The following ERC2 variants were observed in gnomAD, a reference collection of about 807,000 sequenced individuals.
ERC2 encodes the protein ELKS/RAB6-interacting/CAST family member 2.
ERC2 carries 42 observed loss-of-function variants against 114.8 expected under a neutral mutation model. That is an observed-to-expected ratio of 0.37 (90% CI 0.29 to 0.47). The LOEUF (loss-of-function observed/expected upper bound fraction) is 0.47. Ranked by LOEUF, ERC2 falls within the 20% of genes least tolerant of loss-of-function variation. ERC2 has a pLI of 0.99. For missense variants in ERC2, 939 were observed against 1,150.7 expected, an observed-to-expected ratio of 0.82 and a Z score of 2.66; for synonymous variants, 454 against 425.5, an observed-to-expected ratio of 1.07 and a Z score of -0.82.
At chr3:55,635,263 A>G (rs2059914060) in intron 17 of ERC2, among the ~76,000 whole-genome samples, 2 of 152,144 alleles carry the variant, frequency 1.3e-5, no homozygotes, top group African/African-American at 2.4e-5. Flanking sequence ...AGGTATGCGA[A>G]TATTTAGACA....
In ERC2 at chr3:56,139,634, G is replaced by A. The variant is rs1314281357; in HGVS notation, c.1348C>T (p.Leu450Phe). 6.2e-7 allele frequency: 1 copy of A among 1,610,760 alleles called. No homozygotes were observed. The highest frequency in any genetic ancestry group is 1.3e-5 in the African/African-American group (1 of 74,896). Residue 450 changes from leucine (L) to phenylalanine (F), a missense_variant, in exon 6 of 18, where the codon CTT (leucine) becomes TTT (phenylalanine). This residue lies in a region of ERC2 where 149 missense variants were observed against 254.6 expected (regional missense o/e 0.59). Transcript: ENST00000288221. ...TCAAGCTTTGTTTGTAAGGCAAGAAGTTCCGACTCTTTCTTTGAAAGTTCC... is the reference window on the plus strand; with the variant it reads ...TCAAGCTTTGTTTGTAAGGCAAGAAATTCCGACTCTTTCTTTGAAAGTTCC... ...KQELSKKESE[L>F]LALQTKLETL...
Position 55,720,219 on chromosome 3 carries a change from TCTTCTTCTTCTTCTTCTTC to T in ERC2, c.2712+14533_2712+14551del, listed in dbSNP as rs1559547606. On this transcript the variant is annotated intron_variant, in intron 15 of 17. Transcript: ENST00000288221. ...TTCTTCTTCTTCTTCTTCTTCTTCT[TCTTCTTCTTCTTCTTCTTC>T]TTCTCTCTCTCTCTCTCTCTCTCTG... 2.3e-4 allele frequency among the ~76,000 whole-genome samples: 6 copies of T among 26,266 alleles called. 2 individuals are homozygous for T. The highest frequency in any genetic ancestry group is 1.5e-3 in the African/African-American group (6 of 4,024). 17.2% of individuals were successfully genotyped at this position (26,266 alleles called of 152,430 possible).
At chr3:55,782,344 C>T (rs1286160099) in intron 14 of ERC2, among the ~76,000 whole-genome samples, 1 of 152,176 alleles carries the variant, frequency 6.6e-6, no homozygotes, top group African/African-American at 2.4e-5. Context: ...ACCTCTTCCC[C>T]CTGCATCCTT....
intron 1 of ERC2, among the ~76,000 whole-genome samples, chr3:56,438,019 T>C (rs1233641657): frequency 6.6e-6 from 1 of 152,234 alleles, no homozygotes; most frequent in Non-Finnish European, 1.5e-5. Context: ...ATTTTCTTCT[T>C]TTTATTTGCA....
chr3:56,450,750 G>GTAGT (rs2062791512), intron 1 of ERC2, among the ~76,000 whole-genome samples: 1 of 152,154 alleles, frequency 6.6e-6, no homozygotes, highest in Non-Finnish European at 1.5e-5. Flanking sequence ...AGAGTAGCTT[G>GTAGT]AGTCCAGGAG....
intron 14 of ERC2, among the ~76,000 whole-genome samples, chr3:55,822,497 T>C (rs2060165053): frequency 6.6e-6 from 1 of 152,202 alleles, no homozygotes; most frequent in South Asian, 2.1e-4. Context: ...AATTGGTTTT[T>C]TCATCCTCAT....
chr3:56,176,636 G>T (rs1461662438), intron 3 of ERC2, among the ~76,000 whole-genome samples: 1 of 152,044 alleles, frequency 6.6e-6, no homozygotes, highest in African/African-American at 2.4e-5. Flanking sequence ...TAGATTCTGA[G>T]GCTCATCTTG....
chr3:55,513,083 C>A (rs559896371), intron 17 of ERC2, among the ~76,000 whole-genome samples: 1 of 152,206 alleles, frequency 6.6e-6, no homozygotes, highest in African/African-American at 2.4e-5. Context: ...ACAGTCACAG[C>A]GGCCCTTACC....
chr3:56,125,668 T>C (rs2079825766), intron 6 of ERC2, among the ~76,000 whole-genome samples: 1 of 152,192 alleles, frequency 6.6e-6, no homozygotes, highest in Non-Finnish European at 1.5e-5. Context: ...ACATCCAAAT[T>C]ACCCTCTCAT....
intron 2 of ERC2, among the ~76,000 whole-genome samples, chr3:56,418,070 T>G (rs1431116317): frequency 6.6e-6 from 1 of 152,100 alleles, no homozygotes; most frequent in Non-Finnish European, 1.5e-5. Context: ...GAGGATCATT[T>G]GAGGCCAGGA....
intron 14 of ERC2, among the ~76,000 whole-genome samples, chr3:55,853,679 G>A (rs2149247099): frequency 6.6e-6 from 1 of 152,290 alleles, no homozygotes; most frequent in Admixed American, 6.5e-5. Flanking sequence ...GTCAAATATT[G>A]TATGATTCCA....
At chr3:55,936,789 A>G (rs2066471092) in intron 13 of ERC2, among the ~76,000 whole-genome samples, 1 of 152,202 alleles carries the variant, frequency 6.6e-6, no homozygotes, top group Non-Finnish European at 1.5e-5. Context: ...TAAGGTCTTT[A>G]CAGAGCCCTC....
chr3:55,637,952 A>G (rs2060023908), intron 17 of ERC2, among the ~76,000 whole-genome samples: 1 of 152,208 alleles, frequency 6.6e-6, no homozygotes, highest in Non-Finnish European at 1.5e-5. Flanking sequence ...TGAAAGGTTA[A>G]CACTTTTAGC....
At chr3:55,694,262 G>A (rs1385125978) in intron 16 of ERC2, among the ~76,000 whole-genome samples, 2 of 152,100 alleles carry the variant, frequency 1.3e-5, no homozygotes, top group African/African-American at 2.4e-5. Flanking sequence ...AACAACCTCT[G>A]AGTTTCTTTA....
At chr3:55,788,280 TTCTTTAAACA>T (rs1431719759) in intron 14 of ERC2, among the ~76,000 whole-genome samples, 1 of 152,014 alleles carries the variant, frequency 6.6e-6, no homozygotes, top group Admixed American at 6.6e-5. Flanking sequence ...AATCTCAGAG[TTCTTTAAACA>T]CTGGACAGCT....
chr3:55,681,053 G>A (rs2062032224), intron 17 of ERC2, among the ~76,000 whole-genome samples: 1 of 152,050 alleles, frequency 6.6e-6, no homozygotes, highest in African/African-American at 2.4e-5. Context: ...CCAGGCCTGG[G>A]TGTGAGGTTT....
intron 14 of ERC2, among the ~76,000 whole-genome samples, chr3:55,824,887 TAA>T (rs1360781778): frequency 1.3e-5 from 2 of 152,222 alleles, no homozygotes; most frequent in Non-Finnish European, 2.9e-5. Context: ...GCCGTTGAGA[TAA>T]GTGTTTAGAT....
intron 17 of ERC2, among the ~76,000 whole-genome samples, chr3:55,609,873 T>C (rs2058812957): frequency 6.6e-6 from 1 of 152,030 alleles, no homozygotes; most frequent in Non-Finnish European, 1.5e-5. Context: ...CTCAGACAGC[T>C]GTTGGAGCTC....
chr3:56,392,612 C>A (rs1348955512), intron 2 of ERC2, among the ~76,000 whole-genome samples: 1 of 152,124 alleles, frequency 6.6e-6, no homozygotes, highest in Non-Finnish European at 1.5e-5. Context: ...ATGTCCTCTT[C>A]CAGGGCAAAT....
Sources: gnomAD v4.1 joint callset for allele counts (sites outside exome capture counted in the v4.1 genomes callset) on GRCh38, gnomAD v4.1.1 for gene constraint, gnomAD v4.1.1 regional missense constraint, MANE v1.5 for transcripts, NCBI Gene and HGNC (gene_info 2026-07-23, HGNC 2026-07-21) for gene names.